Variants in SGCG observed in about 807,000 individuals in gnomAD.
The protein encoded by SGCG is sarcoglycan gamma.
In SGCG, 26 loss-of-function variants were observed where a neutral mutation model predicts 29.3. The observed-to-expected ratio is 0.89, with a 90% confidence interval of 0.65 to 1.23. The LOEUF is 1.23. SGCG is among the 50% of genes most tolerant of loss of function. The probability of loss-of-function intolerance (pLI) is 0.00; values close to 1 mark genes in which losing one functional copy is unlikely to be tolerated. For missense variants in SGCG, 353 were observed against 356.0 expected (o/e 0.99, Z 0.07); for synonymous variants, 145 against 129.7 (o/e 1.12, Z -0.80).
chr13:23,216,437 T>C (rs959379226), intron 2 of SGCG, among the ~76,000 whole-genome samples: 2 of 152,162 alleles, frequency 1.3e-5, no homozygotes. Context: ...CAAGAAGGAA[T>C]GACACAAATT....
chr13:23,192,033 G>A (rs1181883542), intron 1 of SGCG, among the ~76,000 whole-genome samples: 1 of 151,824 alleles, frequency 6.6e-6, no homozygotes, highest in Non-Finnish European at 1.5e-5. Flanking sequence ...AAATAAGCCG[G>A]GCGTGGTGGC....
At chr13:23,190,589 G>T (rs61948471) in intron 1 of SGCG, among the ~76,000 whole-genome samples, 92,290 of 151,616 alleles carry the variant, frequency 0.61, 29,063 homozygotes, top group African/African-American at 0.79. Flanking sequence ...GGTTATGAAA[G>T]TTATATGTCC....
At chr13:23,170,463 G>T in the SGCG span, 1 of 152,238 alleles carries the variant, frequency 6.6e-6, no homozygotes, top group African/African-American at 2.4e-5. Context: ...AGTTTGAGTA[G>T]AAGGAGGGAT....
chr13:23,295,142 C>T (rs1170211600), intron 5 of SGCG, among the ~76,000 whole-genome samples: 1 of 151,980 alleles, frequency 6.6e-6, no homozygotes, highest in South Asian at 2.1e-4. Flanking sequence ...GATTTGAAGA[C>T]TAATATTGCT....
At chr13:23,287,900 T>G (rs9507069) in intron 5 of SGCG, among the ~76,000 whole-genome samples, 65,802 of 151,796 alleles carry the variant, frequency 0.43, 15,102 homozygotes, top group Middle Eastern at 0.65. Context: ...GAATACAGGC[T>G]CATGTCACCA....
At position 23,251,112 on chromosome 13, in the gene SGCG, C is replaced by G. The variant is rs570257331; in HGVS notation, c.385+395C>G. ...CCCTCCCCGTTCTTTCTTCTCTTTT[C>G]TCTCCTCCCCATGTGCTCCATTCTC... is the stretch of plus-strand genomic sequence containing the variant. On this transcript the variant is annotated intron_variant, in intron 4 of 7. Transcript: ENST00000218867. 7.9e-5 allele frequency among the ~76,000 whole-genome samples: 12 copies of G among 152,322 alleles called. No individual in the cohort carries two copies. In the East Asian group the frequency reaches 2.1e-3, roughly 27 times the overall value.
intron 5 of SGCG, among the ~76,000 whole-genome samples, chr13:23,294,413 C>G (rs1881829296): frequency 6.6e-6 from 1 of 152,210 alleles, no homozygotes; most frequent in Non-Finnish European, 1.5e-5. Context: ...TTCCTGGACA[C>G]TCAGCACATT....
chr13:23,244,184 A>G (rs1879611812), intron 3 of SGCG: 1 of 152,216 alleles, frequency 6.6e-6, no homozygotes, highest in Non-Finnish European at 1.5e-5. Flanking sequence ...AAACAACACC[A>G]CCGTATCAGG....
intron 2 of SGCG, among the ~76,000 whole-genome samples, chr13:23,225,248 G>A (rs906611515): frequency 6.6e-6 from 1 of 152,170 alleles, no homozygotes; most frequent in African/African-American, 2.4e-5. Context: ...AAGGGACTTT[G>A]CAGATGTGAT....
At chr13:23,183,708 G>A (rs762642331) in intron 1 of SGCG, among the ~76,000 whole-genome samples, 43 of 151,716 alleles carry the variant, frequency 2.8e-4, no homozygotes, top group Non-Finnish European at 4.6e-4. Flanking sequence ...TCGCTCTATC[G>A]CCCAGGCTGG....
At chr13:23,323,201 G>A (rs565049908) in intron 7 of SGCG, among the ~76,000 whole-genome samples, 27 of 152,274 alleles carry the variant, frequency 1.8e-4, no homozygotes, top group Middle Eastern at 3.4e-3. Context: ...GTGATGTCAG[G>A]AGCAGAGAAA....
At chr13:23,313,298 G>T (rs1882674081) in intron 6 of SGCG, among the ~76,000 whole-genome samples, 1 of 151,912 alleles carries the variant, frequency 6.6e-6, no homozygotes. Flanking sequence ...CCAGGTAGCT[G>T]GGATTACAGG....
At chr13:23,164,786 G>A in the SGCG span, among the ~76,000 whole-genome samples, 1 of 152,122 alleles carries the variant, frequency 6.6e-6, no homozygotes, top group Non-Finnish European at 1.5e-5. Flanking sequence ...CCGGCCTCCT[G>A]CCAGCCCTGC....
chr13:23,252,900 C>G (rs940851988), intron 4 of SGCG, among the ~76,000 whole-genome samples: 1 of 152,090 alleles, frequency 6.6e-6, no homozygotes, highest in African/African-American at 2.4e-5. Context: ...GTAGAGAAGT[C>G]AAAACAGGAA....
At chr13:23,313,169 C>CT (rs11352200) in intron 6 of SGCG, among the ~76,000 whole-genome samples, 59,453 of 145,844 alleles carry the variant, frequency 0.41, 12,226 homozygotes, top group Non-Finnish European at 0.45. Flanking sequence ...TCTTCTTCTT[C>CT]TTTTTTTTTT....
intron 3 of SGCG, among the ~76,000 whole-genome samples, chr13:23,239,280 T>C (rs1478035412): frequency 6.6e-6 from 1 of 152,110 alleles, no homozygotes; most frequent in East Asian, 1.9e-4. Flanking sequence ...GACATCAGCC[T>C]TCTAGTCAGT....
chr13:23,256,419 T>G (rs1880180280), intron 4 of SGCG, among the ~76,000 whole-genome samples: 1 of 152,208 alleles, frequency 6.6e-6, no homozygotes, highest in Non-Finnish European at 1.5e-5. Flanking sequence ...AGGGTACATG[T>G]GCAAAACATG....
intron 2 of SGCG, among the ~76,000 whole-genome samples, chr13:23,227,121 GGCA>G (rs1196513787): frequency 6.6e-6 from 1 of 152,110 alleles, no homozygotes; most frequent in Non-Finnish European, 1.5e-5. Flanking sequence ...GGCATCATGA[GGCA>G]GCTCAAAGAG....
intron 4 of SGCG, among the ~76,000 whole-genome samples, chr13:23,276,786 C>T (rs1175229118): frequency 1.3e-5 from 2 of 152,222 alleles, no homozygotes; most frequent in East Asian, 3.9e-4. Context: ...CGTCTCCGGA[C>T]GCTGCTCTTA....
Sources: allele counts gnomAD v4.1 joint callset (sites outside exome capture counted in the v4.1 genomes callset), GRCh38; gene constraint gnomAD v4.1.1; transcripts MANE v1.5; gene names NCBI Gene and HGNC (gene_info 2026-07-23, HGNC 2026-07-21).